UGGT1: variants seen among roughly 807,000 people sequenced by gnomAD.
The protein encoded by UGGT1 is UDP-glucose glycoprotein glucosyltransferase 1.
In UGGT1, 107 loss-of-function variants were observed where a neutral mutation model predicts 203.9. That is an observed-to-expected ratio of 0.52 (90% CI 0.45 to 0.62). The LOEUF is 0.62. UGGT1 is among the 20% of genes least tolerant of loss of function. The probability of loss-of-function intolerance (pLI) is 0.00; values close to 1 mark genes in which losing one functional copy is unlikely to be tolerated. For synonymous variants in UGGT1, 628 were observed against 653.5 expected, an observed-to-expected ratio of 0.96 and a Z score of 0.59; for missense variants, 1,673 against 1,867.2, an observed-to-expected ratio of 0.90 and a Z score of 1.92.
chr2:128,121,405 CTTTTTTTTTTT>C (rs10636999), intron 10 of UGGT1, 107 bp downstream of exon 10: 1 of 429,876 alleles, frequency 2.3e-6, no homozygotes. Context: ...AATTAAGATT[CTTTTTTTTTTT>C]TTTTTTGAGA....
Position 128,193,194 on chromosome 2 carries a change from A to G in UGGT1, c.*3452A>G, listed in dbSNP as rs2104860725. On this transcript the variant is annotated 3_prime_UTR_variant, in exon 41 of 41. Coordinates refer to ENST00000259253, the MANE Select transcript of UGGT1 (RefSeq NM_020120.4). ...CCGTCTCAAAAAAAAAAAAAAAAAAAAAAAAAAAATTAAAACAGTTTCCAT... is the reference window on the plus strand; with the variant it reads ...CCGTCTCAAAAAAAAAAAAAAAAAAGAAAAAAAAATTAAAACAGTTTCCAT... 1 of 151,990 alleles carries G rather than the reference A, an allele frequency of 6.6e-6. No homozygotes were observed. Among genetic ancestry groups the G allele is most frequent in the African/African-American group, 2.4e-5 (1 of 41,150 alleles). The allele number at this position is 151,990 out of a possible 1,614,324, so 9.4% of individuals were successfully genotyped here.
At chr2:128,168,040 A>C (rs1690883183) in intron 26 of UGGT1, among the ~76,000 whole-genome samples, 1 of 152,164 alleles carries the variant, frequency 6.6e-6, no homozygotes. Context: ...CTATTTTCTA[A>C]TGAGTTTTTC....
intron 12 of UGGT1, among the ~76,000 whole-genome samples, chr2:128,128,787 AATAC>A (rs1332007637): frequency 2.0e-5 from 3 of 152,226 alleles, no homozygotes; most frequent in Admixed American, 6.5e-5. Flanking sequence ...GATAATTGTA[AATAC>A]ATATGCAGTT....
At chr2:128,182,673 T>TC (rs1691756646) in intron 37 of UGGT1, among the ~76,000 whole-genome samples, 1 of 131,398 alleles carries the variant, frequency 7.6e-6, no homozygotes, top group Non-Finnish European at 1.5e-5. Flanking sequence ...CACTCCAGCC[T>TC]GGATGACAGA....
At chr2:128,121,515 C>T (rs1688382100) in intron 10 of UGGT1, among the ~76,000 whole-genome samples, 1 of 150,432 alleles carries the variant, frequency 6.6e-6, no homozygotes, top group Non-Finnish European at 1.5e-5. Flanking sequence ...AAGCGATTCT[C>T]CTGCCTCAGC....
rs760548439 is a variant in UGGT1, at chr2:128,189,741, G to C, written c.4667G>C (p.Ter1556SerextTer20). ...REGPQKREEL[*>S] is the part of the protein sequence containing the mutation. ...GGTCCTCAGAAACGTGAAGAATTATGATCTCTGGAGAAGGACAGGAAATCA... is the reference window on the plus strand; with the variant it reads ...GGTCCTCAGAAACGTGAAGAATTATCATCTCTGGAGAAGGACAGGAAATCA... Residue 1556 changes from the stop codon to serine (S), a stop_lost, in exon 41 of 41, where the codon TGA becomes TCA. Transcript: ENST00000259253. 6.2e-7 allele frequency: 1 copy of C among 1,612,976 alleles called. No individual in the cohort carries two copies. Among genetic ancestry groups the C allele is most frequent in the Admixed American group, 1.7e-5 (1 of 59,952 alleles).
chr2:128,178,233 C>G (rs779950905), intron 33 of UGGT1, among the ~76,000 whole-genome samples: 1 of 152,196 alleles, frequency 6.6e-6, no homozygotes, highest in Non-Finnish European at 1.5e-5. Context: ...TCTGGTGCAG[C>G]CTGTGTTCAG....
At position 128,116,311 on chromosome 2, in the gene UGGT1, T is replaced by C. The variant is rs374702556; in HGVS notation, c.840T>C (p.Asp280=). The C allele has an allele frequency of 6.2e-7, 1 of 1,612,392 alleles. No homozygotes were observed. Among genetic ancestry groups the C allele is most frequent in the Non-Finnish European group, 8.5e-7 (1 of 1,178,500 alleles). ...TGATTGGTGAAAATGATCCTATTGA[T>C]GAGGTTCAGGGGTTCCTCTTTGGAA... is the stretch of plus-strand genomic sequence containing the variant. ...TTVIGENDPI[D]EVQGFLFGKL... Residue 280 remains aspartate, a synonymous_variant, in exon 8 of 41, where the codon GAT becomes GAC. Coordinates refer to ENST00000259253, the MANE Select transcript of UGGT1 (RefSeq NM_020120.4).
chr2:128,124,038 C>A (rs1688500496), intron 11 of UGGT1, among the ~76,000 whole-genome samples: 1 of 152,144 alleles, frequency 6.6e-6, no homozygotes, highest in Non-Finnish European at 1.5e-5. Context: ...CTCCGCCTTC[C>A]AGGTTCACGC....
chr2:128,102,467 G>A (rs1169119378), intron 2 of UGGT1, among the ~76,000 whole-genome samples: 1 of 152,018 alleles, frequency 6.6e-6, no homozygotes, highest in Non-Finnish European at 1.5e-5. Context: ...TTTATGCTCA[G>A]TGGAATAAGT....
At chr2:128,114,062 TC>T (rs2105371216) in intron 6 of UGGT1, among the ~76,000 whole-genome samples, 1 of 152,192 alleles carries the variant, frequency 6.6e-6, no homozygotes, top group East Asian at 1.9e-4. Flanking sequence ...CTTTAAAGTT[TC>T]TATGTCATAA....
intron 24 of UGGT1, 119 bp from the exon 25 acceptor site, chr2:128,161,019 C>T (rs930312305): frequency 8.6e-7 from 1 of 1,158,722 alleles, no homozygotes; most frequent in African/African-American, 1.6e-5. Context: ...GTACCTGTCT[C>T]AGGTCTTTAA....
chr2:128,130,182 A>AACCTGGGGGTGGAGGTT (rs1688807060), intron 13 of UGGT1, among the ~76,000 whole-genome samples: 1 of 150,778 alleles, frequency 6.6e-6, no homozygotes, highest in Admixed American at 6.6e-5. Flanking sequence ...GAATTGCTTC[A>AACCTGGGGGTGGAGGTT]ACCTGGGGGT....
At chr2:128,161,008 T>C in intron 24 of UGGT1, 130 bp from the exon 25 acceptor site, 5 of 1,026,848 alleles carry the variant, frequency 4.9e-6, no homozygotes, top group African/African-American at 1.6e-5. Flanking sequence ...TATCTAAACA[T>C]GTACCTGTCT....
intron 3 of UGGT1, among the ~76,000 whole-genome samples, chr2:128,105,154 A>G (rs1687548141): frequency 6.6e-6 from 1 of 150,426 alleles, no homozygotes; most frequent in South Asian, 2.1e-4. Flanking sequence ...AAGTTCTGGG[A>G]TTACAGGCAT....
intron 5 of UGGT1, among the ~76,000 whole-genome samples, chr2:128,112,712 A>G (rs938533569): frequency 3.3e-5 from 5 of 150,664 alleles, no homozygotes; most frequent in African/African-American, 9.7e-5. Flanking sequence ...CCTCCCAAGT[A>G]GCTAGGACTA....
intron 24 of UGGT1, among the ~76,000 whole-genome samples, 164 bp from the exon 25 acceptor site, chr2:128,160,974 C>T (rs566650262): frequency 3.7e-4 from 56 of 152,280 alleles, no homozygotes; most frequent in African/African-American, 1.3e-3. Flanking sequence ...CTTTGGGCTT[C>T]ACTTTGTATT....
At chr2:128,176,995 T>C (rs969823319) in intron 32 of UGGT1, 97 bp downstream of exon 32, 1 of 1,223,272 alleles carries the variant, frequency 8.2e-7, no homozygotes, top group Admixed American at 2.0e-5. Flanking sequence ...TGGAATTTGC[T>C]ATGGCAATTA....
intron 38 of UGGT1, 120 bp downstream of exon 38, chr2:128,183,909 G>GAT: frequency 2.9e-6 from 1 of 339,888 alleles, no homozygotes; most frequent in Non-Finnish European, 5.6e-6. Context: ...GTTTTTTCAT[G>GAT]GTGTGTGTGT....
Sources: gnomAD v4.1 joint callset for allele counts (sites outside exome capture counted in the v4.1 genomes callset) on GRCh38, gnomAD v4.1.1 for gene constraint, MANE v1.5 for transcripts, NCBI Gene and HGNC (gene_info 2026-07-23, HGNC 2026-07-21) for gene names.